Variants in COL13A1 observed in about 807,000 individuals in gnomAD.
The protein encoded by COL13A1 is collagen type XIII alpha 1 chain, also known as collagen alpha-1(XIII) chain.
A neutral mutation model predicts 130.9 loss-of-function variants in COL13A1; 89 were observed. That is an observed-to-expected ratio of 0.68 (90% confidence interval 0.57 to 0.81). The LOEUF (loss-of-function observed/expected upper bound fraction) is 0.81, where lower values mean the gene tolerates loss of function less well. Among genes scored for constraint, COL13A1 ranks in the 30% least tolerant of loss-of-function variants. The pLI is 0.00. For synonymous variants in COL13A1, 402 were observed against 341.6 expected, an observed-to-expected ratio of 1.18 and a Z score of -1.95; for missense variants, 879 against 934.6, an observed-to-expected ratio of 0.94 and a Z score of 0.78.
At position 69,903,380 on chromosome 10, in the gene COL13A1, C is replaced by A. The variant is rs561756194; in HGVS notation, c.858+525C>A. Among the ~76,000 whole-genome samples the A allele has an allele frequency of 7.2e-5, 11 of 152,372 alleles. No individual in the cohort carries two copies. The South Asian group carries it at 2.1e-3, about 29-fold the overall frequency. ...GGATGCATCAAGCCTGCGGGGCCTG[C>A]AGGGTCACTGCCTGGAGGACTCCAG... On this transcript the variant is annotated intron_variant, in intron 15 of 40. Transcript: ENST00000645393.
chr10:69,910,879 C>A (rs1283261238), intron 17 of COL13A1, among the ~76,000 whole-genome samples: 1 of 151,860 alleles, frequency 6.6e-6, no homozygotes, highest in African/African-American at 2.4e-5. Context: ...ACTTTGGGGG[C>A]GCATTTGATG....
intron 31 of COL13A1, 141 bp downstream of exon 31, chr10:69,932,745 T>C (rs1002817843): frequency 3.2e-6 from 2 of 628,780 alleles, no homozygotes; most frequent in Non-Finnish European, 5.8e-6. Context: ...GCACTGATCC[T>C]CTGGACTGCT....
At chr10:69,879,595 G>A (rs2059930811) in intron 6 of COL13A1, among the ~76,000 whole-genome samples, 2 of 152,150 alleles carry the variant, frequency 1.3e-5, no homozygotes, top group Admixed American at 6.5e-5. Flanking sequence ...CTGCCTGTAA[G>A]GTATGACATT....
chr10:69,922,335 A>G (rs2064795203), intron 22 of COL13A1, among the ~76,000 whole-genome samples: 1 of 152,196 alleles, frequency 6.6e-6, no homozygotes, highest in Non-Finnish European at 1.5e-5. Context: ...TAGAGGCCTG[A>G]GCACCCTGCA....
At chr10:69,938,197 G>A (rs1372460502) in intron 34 of COL13A1, among the ~76,000 whole-genome samples, 1 of 152,200 alleles carries the variant, frequency 6.6e-6, no homozygotes, top group Non-Finnish European at 1.5e-5. Flanking sequence ...AGCAGGCCAA[G>A]GCCGTTCATC....
intron 31 of COL13A1, among the ~76,000 whole-genome samples, 185 bp from the exon 32 acceptor site, chr10:69,935,165 C>T (rs958592430): frequency 5.3e-5 from 8 of 152,060 alleles, no homozygotes; most frequent in Admixed American, 2.6e-4. Context: ...AGCAGTCCAC[C>T]GGGTTGCTAT....
chr10:69,829,618 T>C (rs1012889069), intron 2 of COL13A1, among the ~76,000 whole-genome samples: 1 of 152,228 alleles, frequency 6.6e-6, no homozygotes, highest in Non-Finnish European at 1.5e-5. Context: ...TTCAGGCAAC[T>C]GGCCTGCTCC....
chr10:69,856,452 C>T (rs959723638), intron 2 of COL13A1, among the ~76,000 whole-genome samples: 1 of 152,084 alleles, frequency 6.6e-6, no homozygotes, highest in African/African-American at 2.4e-5. Context: ...CTCAACTCTT[C>T]TTAGAGTAGT....
At position 69,919,079 on chromosome 10, in the gene COL13A1, A is replaced by G; in HGVS notation, c.1017A>G (p.Pro339=). ...VAGMKGEPGI[P]GTKGDPGAEG... is the part of the protein sequence containing the mutation. ...CCACACAGGGTGAGCCAGGGATCCCAGGAACCAAGGTACTGATGCAGAGAG... is the reference window on the plus strand; with the variant it reads ...CCACACAGGGTGAGCCAGGGATCCCGGGAACCAAGGTACTGATGCAGAGAG... The change falls in exon 20 of 41, where the codon CCA becomes CCG. Residue 339 remains proline, a synonymous_variant. Coordinates refer to ENST00000645393, the MANE Select transcript of COL13A1 (RefSeq NM_001368882.1). 6.2e-7 allele frequency: 1 copy of G among 1,614,022 alleles called. No individual in the cohort carries two copies. The highest frequency in any genetic ancestry group is 8.5e-7 in the Non-Finnish European group (1 of 1,179,874).
At chr10:69,932,539 A>G (rs1459439958) in intron 30 of COL13A1, 21 bp from the exon 31 acceptor site, 1 of 1,599,236 alleles carries the variant, frequency 6.3e-7, no homozygotes, top group South Asian at 1.1e-5. Context: ...GCATTCATGC[A>G]GTGGTGTTTT....
chr10:69,902,870 C>T lies in COL13A1; in HGVS notation c.858+15C>T. ...TGGGGCCACCTGTAAGTATTCCCTT[C>T]CTCTCTCCTTCAAGACTTATCCCAA... On this transcript the variant is annotated intron_variant, in intron 15 of 40. Transcript: ENST00000645393. The T allele has an allele frequency of 2.0e-6, 3 of 1,499,684 alleles. No homozygotes were observed. The highest frequency in any genetic ancestry group is 1.7e-4 in the Middle Eastern group (1 of 5,830). The allele number at this position is 1,499,684 out of a possible 1,614,324, so 92.9% of individuals were successfully genotyped here.
chr10:69,890,286 T>G (rs1589324526), intron 10 of COL13A1, among the ~76,000 whole-genome samples: 2 of 152,322 alleles, frequency 1.3e-5, no homozygotes, highest in South Asian at 4.1e-4. Flanking sequence ...CATTAAGAGC[T>G]AATGGGCCCC....
rs371500119 is a variant in COL13A1 at position 69,941,070 on chromosome 10, C to T, written c.1914+47C>T. ...CCCCTCACCCCACTCCACTCCACAC[C>T]TGGCCTGTGATCCCTTTTGTCTGTC... On this transcript the variant is annotated intron_variant, in intron 35 of 40. Coordinates refer to ENST00000645393, the MANE Select transcript of COL13A1 (RefSeq NM_001368882.1). The T allele has an allele frequency of 2.8e-5, 45 of 1,613,350 alleles. No individual in the cohort carries two copies. In the African/African-American group the frequency reaches 5.5e-4, roughly 20 times the overall value.
chr10:69,804,119 T>C (rs1840813164), intron 1 of COL13A1, among the ~76,000 whole-genome samples: 1 of 152,082 alleles, frequency 6.6e-6, no homozygotes, highest in Non-Finnish European at 1.5e-5. Context: ...GGGCCGTCCA[T>C]GGTTCCCTGG....
At chr10:69,898,195 C>T (rs1161425414) in intron 13 of COL13A1, among the ~76,000 whole-genome samples, 1 of 152,212 alleles carries the variant, frequency 6.6e-6, no homozygotes, top group African/African-American at 2.4e-5. Flanking sequence ...GCACACCAGC[C>T]CAACTTCAAG....
At position 69,939,494 on chromosome 10, in the gene COL13A1, T is replaced by G. The variant is rs1216597547; in HGVS notation, c.1879-1494T>G. Among the ~76,000 whole-genome samples, 4 of 152,358 alleles carry G rather than the reference T, an allele frequency of 2.6e-5. No individual in the cohort carries two copies. In the East Asian group the frequency reaches 7.7e-4, roughly 29 times the overall value. On this transcript the variant is annotated intron_variant, in intron 34 of 40. Coordinates refer to ENST00000645393, the MANE Select transcript of COL13A1 (RefSeq NM_001368882.1). Reference sequence around the variant, plus strand: ...TCTCAAGACAACTGAGTTTTAATGCTGCATTTTTTTAAAGTACATGGATAT... The same window carrying G: ...TCTCAAGACAACTGAGTTTTAATGCGGCATTTTTTTAAAGTACATGGATAT...
chr10:69,926,958 G>T, intron 26 of COL13A1, 129 bp from the exon 27 acceptor site: 1 of 1,268,796 alleles, frequency 7.9e-7, no homozygotes, highest in Non-Finnish European at 1.1e-6. Flanking sequence ...GAGCCCACCT[G>T]CAAGCGTCTC....
chr10:69,821,340 G>A (rs1188222872), intron 1 of COL13A1, among the ~76,000 whole-genome samples: 2 of 152,202 alleles, frequency 1.3e-5, no homozygotes, highest in African/African-American at 2.4e-5. Context: ...GGCTGCATGA[G>A]CATCACAGTG....
intron 15 of COL13A1, among the ~76,000 whole-genome samples, chr10:69,904,707 C>G (rs149150837): frequency 6.6e-6 from 1 of 152,310 alleles, no homozygotes; most frequent in Non-Finnish European, 1.5e-5. Context: ...CCGCGGCCCC[C>G]ACATGGCTGC....
Sources: gnomAD v4.1 joint callset for allele counts (sites outside exome capture counted in the v4.1 genomes callset) on GRCh38, gnomAD v4.1.1 for gene constraint, MANE v1.5 for transcripts, NCBI Gene and HGNC (gene_info 2026-07-23, HGNC 2026-07-21) for gene names.